The following KCNT1 variants were observed in gnomAD, a reference collection of about 807,000 sequenced individuals.
KCNT1 encodes the protein potassium channel subfamily T member 1.
KCNT1 carries 78 observed loss-of-function variants against 147.8 expected under a neutral mutation model. That is an observed-to-expected ratio of 0.53 (90% confidence interval 0.44 to 0.64). KCNT1 has a LOEUF of 0.64. Among genes scored for constraint, KCNT1 ranks in the 30% least tolerant of loss-of-function variants. The probability of loss-of-function intolerance (pLI) is 0.00; values close to 1 mark genes in which losing one functional copy is unlikely to be tolerated. For synonymous variants in KCNT1, 867 were observed against 748.8 expected (o/e 1.16, Z -2.58); for missense variants, 1,419 against 1,750.3 (o/e 0.81, Z 3.38).
At position 135,770,878 on chromosome 9, in the gene KCNT1, G is replaced by A. The variant is rs1349542474; in HGVS notation, c.1791G>A (p.Gly597=). 1 of 1,582,384 alleles carries A rather than the reference G, an allele frequency of 6.3e-7. No homozygotes were observed. The highest frequency in any genetic ancestry group is 8.6e-7 in the Non-Finnish European group (1 of 1,163,338). The change falls in exon 18 of 31, where the codon GGG becomes GGA. Residue 597 remains glycine (G), a synonymous_variant. Transcript: ENST00000371757. ...AHKKYGVCLI[G]LKREDNKSIL... is the part of the protein sequence containing the mutation. ...CCAGGTATGGCGTGTGCCTCATCGG[G>A]CTGAAGCGGGAGGACAACAAGAGCA... is the stretch of plus-strand genomic sequence containing the variant.
Position 135,769,884 on chromosome 9 carries a change from T to C in KCNT1, c.1511-63T>C. The stretch of plus-strand genomic sequence containing the variant: ...ATAGCACCTTCAGGAAGTGAGCAGG[T>C]ACTGTGGGGGAGGAGAGAGCCGGCA... On this transcript the variant is annotated intron_variant, in intron 15 of 30. Coordinates refer to ENST00000371757, the MANE Select transcript of KCNT1 (RefSeq NM_020822.3). 2.5e-6 allele frequency: 3 copies of C among 1,204,556 alleles called. No homozygotes were observed. The South Asian group carries it at 4.0e-5, about 16-fold the overall frequency. 74.6% of individuals were successfully genotyped at this position (1,204,556 alleles called of 1,614,324 possible).
At chr9:135,743,241 C>T (rs972381208) in intron 2 of KCNT1, among the ~76,000 whole-genome samples, 10 of 152,116 alleles carry the variant, frequency 6.6e-5, no homozygotes, top group Admixed American at 1.3e-4. Flanking sequence ...CCCACTGAGC[C>T]GCCGGGGCTC....
At chr9:135,733,964 T>G (rs571292084) in intron 2 of KCNT1, among the ~76,000 whole-genome samples, 7 of 142,404 alleles carry the variant, frequency 4.9e-5, no homozygotes, top group Admixed American at 2.8e-4. Flanking sequence ...TCCCCCCTAG[T>G]CCTTCAGGAA....
chr9:135,717,808 G>A (rs1255725470), intron 2 of KCNT1, among the ~76,000 whole-genome samples: 1 of 152,244 alleles, frequency 6.6e-6, no homozygotes, highest in African/African-American at 2.4e-5. Context: ...CTTGAAGGCA[G>A]CTCAGGGAGC....
intron 29 of KCNT1, among the ~76,000 whole-genome samples, chr9:135,786,983 G>A (rs926166103): frequency 1.3e-5 from 2 of 152,210 alleles, no homozygotes; most frequent in Non-Finnish European, 2.9e-5. Flanking sequence ...CTGCAGCCAG[G>A]CCTGCTGGAC....
intron 2 of KCNT1, among the ~76,000 whole-genome samples, chr9:135,747,808 G>A (rs1296805119): frequency 1.3e-5 from 2 of 152,070 alleles, no homozygotes; most frequent in Non-Finnish European, 2.9e-5. Flanking sequence ...GGCCCCAGGA[G>A]CCCTGAGTAT....
At chr9:135,778,917 T>G in intron 23 of KCNT1, 95 bp downstream of exon 23, 3 of 1,299,426 alleles carry the variant, frequency 2.3e-6, no homozygotes, top group Non-Finnish European at 3.0e-6. Flanking sequence ...CCACGGGCCC[T>G]CGCCCTGAGA....
At chr9:135,763,242 G>A (rs1383111957) in intron 11 of KCNT1, among the ~76,000 whole-genome samples, 1 of 97,558 alleles carries the variant, frequency 1.0e-5, no homozygotes, top group Non-Finnish European at 2.3e-5. Flanking sequence ...TGCCTCCTCC[G>A]AATGACTGGA....
At chr9:135,770,249 G>T (rs755299156) in intron 16 of KCNT1, 49 bp from the exon 17 acceptor site, 1 of 1,549,498 alleles carries the variant, frequency 6.5e-7, no homozygotes, top group Non-Finnish European at 8.7e-7. Flanking sequence ...GGGAGAAGGG[G>T]CAGCCATGGC....
chr9:135,751,005 G>A lies in KCNT1; in HGVS notation c.398G>A (p.Arg133His), dbSNP rs201295824. The change falls in exon 4 of 31, where the codon CGC becomes CAC. Residue 133 changes from arginine (R) to histidine (H), a missense_variant. Transcript: ENST00000371757. ...CTCACCTGCCTGCTCTACATTGTGC[G>A]CGTCCTGCTCGATGACCCGGCCCTG... ...KLLTCLLYIV[R>H]VLLDDPALGI... 45 of 1,612,668 alleles carry A rather than the reference G, an allele frequency of 2.8e-5. No individual in the cohort carries two copies. The highest frequency in any genetic ancestry group is 4.5e-5 in the East Asian group (2 of 44,886).
chr9:135,738,950 C>G (rs1830450562), intron 2 of KCNT1, among the ~76,000 whole-genome samples: 1 of 152,132 alleles, frequency 6.6e-6, no homozygotes, highest in Non-Finnish European at 1.5e-5. Flanking sequence ...AATGGGGGGA[C>G]AGGGCCTCTC....
At chr9:135,747,232 G>T (rs1402401133) in intron 2 of KCNT1, among the ~76,000 whole-genome samples, 1 of 152,118 alleles carries the variant, frequency 6.6e-6, no homozygotes, top group Non-Finnish European at 1.5e-5. Context: ...ACCGTGAAGG[G>T]CATGGTGAGG....
intron 1 of KCNT1, among the ~76,000 whole-genome samples, chr9:135,710,074 T>C (rs964916026): frequency 9.2e-5 from 14 of 152,356 alleles, no homozygotes; most frequent in African/African-American, 2.9e-4. Context: ...TTCTTCCTGT[T>C]GGTCGCTTAT....
rs138282349 is a variant in KCNT1 at position 135,792,094 on chromosome 9, G to A, written c.3641G>A (p.Arg1214Gln). The A allele has an allele frequency of 1.7e-3, 2,669 of 1,604,120 alleles. 4 individuals carry two copies. The highest frequency in any genetic ancestry group is 2.0e-3 in the Non-Finnish European group (2,406 of 1,179,374). ...CACGTGGCCAGCAGCTCCCAGAGCCGGAAGAGCAGCTGCAGCCACAAGCTG... is the reference window on the plus strand; with the variant it reads ...CACGTGGCCAGCAGCTCCCAGAGCCAGAAGAGCAGCTGCAGCCACAAGCTG... ...LAHVASSSQS[R>Q]KSSCSHKLSS... The change falls in exon 31 of 31, where the codon CGG becomes CAG. Residue 1214 changes from arginine (R) to glutamine (Q), a missense_variant. Arg to Gln is a conservative substitution (Grantham distance 43). Transcript: ENST00000371757.
At chr9:135,747,973 G>A (rs1419974649) in intron 2 of KCNT1, among the ~76,000 whole-genome samples, 2 of 152,068 alleles carry the variant, frequency 1.3e-5, no homozygotes, top group African/African-American at 4.8e-5. Flanking sequence ...ACAGGGCCTC[G>A]CTCTGTCACC....
intron 11 of KCNT1, among the ~76,000 whole-genome samples, chr9:135,762,821 T>G (rs555602566): frequency 6.6e-6 from 1 of 152,244 alleles, no homozygotes. Flanking sequence ...ACACCTGCAC[T>G]GCTCTTCAGG....
intron 25 of KCNT1, among the ~76,000 whole-genome samples, chr9:135,784,330 C>T (rs1473777125): frequency 6.6e-6 from 1 of 152,164 alleles, no homozygotes. Context: ...AGGGAGTTTT[C>T]TTAGAAAAGG....
At chr9:135,784,201 C>G in intron 25 of KCNT1, 76 bp downstream of exon 25, 2 of 1,173,200 alleles carry the variant, frequency 1.7e-6, no homozygotes, top group East Asian at 2.3e-5. Context: ...TCAGCCTGGT[C>G]CCTGTTCTGA....
intron 29 of KCNT1, 135 bp downstream of exon 29, chr9:135,786,656 TTC>T: frequency 1.1e-6 from 1 of 881,128 alleles, no homozygotes; most frequent in Non-Finnish European, 1.7e-6. Flanking sequence ...CTGTCAGCCT[TTC>T]TGGCCACCCT....
Sources: allele counts gnomAD v4.1 joint callset (sites outside exome capture counted in the v4.1 genomes callset), GRCh38; gene constraint gnomAD v4.1.1; transcripts MANE v1.5; gene names NCBI Gene and HGNC (gene_info 2026-07-23, HGNC 2026-07-21).